SERPINB5: variants seen among roughly 807,000 people sequenced by gnomAD.
The protein encoded by SERPINB5 is serpin B5.
A neutral mutation model predicts 32.2 loss-of-function variants in SERPINB5; 27 were observed. The ratio of observed to expected loss-of-function variants is 0.84; its 90% CI spans 0.62 to 1.16. The LOEUF is 1.16. SERPINB5 is among the 50% of genes most tolerant of loss of function. The pLI is 0.00. For missense variants in SERPINB5, 388 were observed against 436.3 expected (o/e 0.89, Z 0.99); for synonymous variants, 154 against 157.4 (o/e 0.98, Z 0.16).
At chr18:63,488,516 C>T (rs1261172523) in intron 3 of SERPINB5, among the ~76,000 whole-genome samples, 1 of 152,170 alleles carries the variant, frequency 6.6e-6, no homozygotes, top group Non-Finnish European at 1.5e-5. Flanking sequence ...TCCATTGCTC[C>T]TGCTAGGTGC....
rs531425323 is a variant in SERPINB5 at position 63,484,465 on chromosome 18, G to A, written c.37G>A (p.Val13Ile). The A allele has an allele frequency of 8.1e-5, 130 of 1,613,672 alleles. No individual in the cohort carries two copies. The highest frequency in any genetic ancestry group is 1.6e-4 in the South Asian group (15 of 90,976). ...ALQLANSAFA[V>I]DLFKQLCEKE... ...GCAACTAGCAAATTCGGCTTTTGCC[G>A]TTGATCTGTTCAAACAACTATGTGA... The change falls in exon 2 of 7, where the codon GTT (valine) becomes ATT (isoleucine). Residue 13 changes from valine to isoleucine, a missense_variant. By Grantham distance (29) the Val-to-Ile change is conservative. Coordinates refer to ENST00000382771, the MANE Select transcript of SERPINB5 (RefSeq NM_002639.5).
In SERPINB5 at chr18:63,503,485, C is replaced by T. The variant is rs777979449; in HGVS notation, c.891C>T (p.Phe297=). 1.2e-6 allele frequency: 2 copies of T among 1,614,198 alleles called. No individual in the cohort carries two copies. Among genetic ancestry groups the T allele is most frequent in the Admixed American group, 3.3e-5 (2 of 60,026 alleles). ...CLENLGLKHI[F]SEDTSDFSGM... is the part of the protein sequence containing the mutation. ...AAAATCTAGGGCTGAAACATATCTT[C>T]AGTGAAGACACATCTGATTTCTCTG... is the stretch of plus-strand genomic sequence containing the variant. Residue 297 remains phenylalanine, a synonymous_variant, in exon 7 of 7, where the codon TTC becomes TTT. Transcript: ENST00000382771.
At chr18:63,479,961 C>T (rs1030736138) in intron 1 of SERPINB5, among the ~76,000 whole-genome samples, 7 of 152,204 alleles carry the variant, frequency 4.6e-5, no homozygotes, top group African/African-American at 1.4e-4. Context: ...TCTGAGAGAA[C>T]AAATGCCAGC....
chr18:63,503,030 C>A (rs1568113371), intron 6 of SERPINB5, among the ~76,000 whole-genome samples: 1 of 151,792 alleles, frequency 6.6e-6, no homozygotes, highest in African/African-American at 2.4e-5. Context: ...TAAAAAAAAC[C>A]CAAACAAACA....
intron 6 of SERPINB5, among the ~76,000 whole-genome samples, chr18:63,499,997 CTATTAT>C (rs71162648): frequency 9.3e-5 from 14 of 149,752 alleles, no homozygotes; most frequent in East Asian, 3.9e-4. Context: ...TGACATATTA[CTATTAT>C]TATTATTATT....
At chr18:63,479,972 A>G (rs775848633) in intron 1 of SERPINB5, among the ~76,000 whole-genome samples, 1 of 152,240 alleles carries the variant, frequency 6.6e-6, no homozygotes, top group Non-Finnish European at 1.5e-5. Context: ...AAATGCCAGC[A>G]AAGATGCAAT....
chr18:63,481,180 C>CAATGATCT (rs1412701040), intron 1 of SERPINB5, among the ~76,000 whole-genome samples: 2 of 152,154 alleles, frequency 1.3e-5, no homozygotes, highest in Non-Finnish European at 2.9e-5. Flanking sequence ...CTAAAAGCCA[C>CAATGATCT]AATGATCTTG....
chr18:63,494,175 A>G (rs1376508834), intron 5 of SERPINB5, among the ~76,000 whole-genome samples: 1 of 151,972 alleles, frequency 6.6e-6, no homozygotes, highest in East Asian at 1.9e-4. Flanking sequence ...TACAAAAATT[A>G]GCTGGGCATG....
Position 63,493,040 on chromosome 18 carries a change from G to T in SERPINB5, c.512G>T (p.Trp171Leu). 3 of 1,614,182 alleles carry T rather than the reference G, an allele frequency of 1.9e-6. No individual in the cohort carries two copies. Among genetic ancestry groups the T allele is most frequent in the Non-Finnish European group, 2.5e-6 (3 of 1,180,034 alleles). ...AATGCTGCCTACTTTGTTGGCAAGT[G>T]GATGAAGAAATTTTCTGAATCAGAA... ...VVNAAYFVGK[W>L]MKKFSESETK... The change falls in exon 5 of 7, where the codon TGG (tryptophan) becomes TTG (leucine). Residue 171 changes from tryptophan (W) to leucine (L), a missense_variant. Physicochemically the swap from Trp to Leu is moderately conservative, Grantham distance 61. Transcript: ENST00000382771.
At position 63,479,128 on chromosome 18, in the gene SERPINB5, G is replaced by T. The variant is rs575508549; in HGVS notation, c.-8+2083G>T. Among the ~76,000 whole-genome samples, 17 of 152,324 alleles carry T rather than the reference G, an allele frequency of 1.1e-4. No homozygotes were observed. In the South Asian group the frequency reaches 3.3e-3, roughly 30 times the overall value. On this transcript the variant is annotated intron_variant, in intron 1 of 6. Coordinates refer to ENST00000382771, the MANE Select transcript of SERPINB5 (RefSeq NM_002639.5). ...CTGTTTAAATATGCACGCCCGTGAT[G>T]TGTGGGTGAAGAGTGTGGTTGATGG...
Position 63,503,436 on chromosome 18 carries a change from T to G in SERPINB5, c.842T>G (p.Met281Arg). 1.9e-6 allele frequency: 3 copies of G among 1,614,270 alleles called. No individual in the cohort carries two copies. The highest frequency in any genetic ancestry group is 1.7e-5 in the Admixed American group (1 of 60,034). Residue 281 changes from methionine (M) to arginine (R), a missense_variant, in exon 7 of 7, where the codon ATG becomes AGG. By Grantham distance (91) the Met-to-Arg change is moderately conservative. Transcript: ENST00000382771. ...ATTCCAAAATTTAAGGTGGAAAAGA[T>G]GATTGATCCCAAGGCTTGTCTGGAA... ...LSIPKFKVEK[M>R]IDPKACLENL...
intron 6 of SERPINB5, among the ~76,000 whole-genome samples, chr18:63,499,662 A>G (rs1274143303): frequency 6.6e-6 from 1 of 152,076 alleles, no homozygotes; most frequent in African/African-American, 2.4e-5. Flanking sequence ...CAGGATCAGG[A>G]TTTGGGCCCA....
intron 5 of SERPINB5, 113 bp downstream of exon 5, chr18:63,493,208 C>T: frequency 7.2e-7 from 1 of 1,398,006 alleles, no homozygotes; most frequent in Non-Finnish European, 1.0e-6. Context: ...GCACGGCCGG[C>T]AAAGTGCCTT....
chr18:63,499,348 A>G, intron 6 of SERPINB5, 61 bp downstream of exon 6: 1 of 1,387,026 alleles, frequency 7.2e-7, no homozygotes, highest in Non-Finnish European at 9.5e-7. Context: ...GAGTTGTGCC[A>G]ACAGGTCTGT....
chr18:63,492,863 G>T, intron 4 of SERPINB5, 90 bp from the exon 5 acceptor site: 1 of 1,480,214 alleles, frequency 6.8e-7, no homozygotes, highest in Non-Finnish European at 9.2e-7. Context: ...ACTCCATGAA[G>T]TGGTAAATAC....
At position 63,504,560 on chromosome 18, in the gene SERPINB5, A is replaced by G. The variant is rs908930811; in HGVS notation, c.*838A>G. 3 of 152,150 alleles carry G rather than the reference A, an allele frequency of 2.0e-5. No individual in the cohort carries two copies. The East Asian group carries it at 5.8e-4, about 29-fold the overall frequency. 9.4% of individuals were successfully genotyped at this position (152,150 alleles called of 1,614,324 possible). ...AGACCTCTAGTAGCTGAAATGCAAG[A>G]CCCCAAGAGGAAGTTCAGATCTTAA... On this transcript the variant is annotated 3_prime_UTR_variant, in exon 7 of 7. Coordinates refer to ENST00000382771, the MANE Select transcript of SERPINB5 (RefSeq NM_002639.5).
rs1183489593 is a variant in SERPINB5 at position 63,484,611 on chromosome 18, C to T, written c.168+15C>T. On this transcript the variant is annotated intron_variant, in intron 2 of 6. Coordinates refer to ENST00000382771, the MANE Select transcript of SERPINB5 (RefSeq NM_002639.5). ...AAATTGGACAGGTAAGCCCCAAAAC[C>T]TTGTTTCTACTTTAAGTGGGAATAC... The T allele has an allele frequency of 3.1e-6, 5 of 1,604,986 alleles. No homozygotes were observed. The highest frequency in any genetic ancestry group is 4.2e-6 in the Non-Finnish European group (5 of 1,176,822).
intron 3 of SERPINB5, among the ~76,000 whole-genome samples, chr18:63,488,519 C>T (rs1220298906): frequency 6.6e-6 from 1 of 152,136 alleles, no homozygotes; most frequent in Non-Finnish European, 1.5e-5. Context: ...ATTGCTCCTG[C>T]TAGGTGCACA....
chr18:63,483,891 C>T (rs1481482895), intron 1 of SERPINB5, among the ~76,000 whole-genome samples: 3 of 152,186 alleles, frequency 2.0e-5, no homozygotes, highest in East Asian at 3.8e-4. Context: ...CCTGTTTCCA[C>T]GTAAGGTCAC....
Sources: gnomAD v4.1 joint callset for allele counts (sites outside exome capture counted in the v4.1 genomes callset) on GRCh38, gnomAD v4.1.1 for gene constraint, MANE v1.5 for transcripts, NCBI Gene and HGNC (gene_info 2026-07-23, HGNC 2026-07-21) for gene names.